Variants in MYOZ2 observed in about 807,000 individuals in gnomAD.
MYOZ2 encodes myozenin-2.
Under a neutral mutation model 25.4 loss-of-function variants are expected in MYOZ2, and 19 were observed. That is an observed-to-expected ratio of 0.75 (90% CI 0.52 to 1.10). MYOZ2 has a LOEUF of 1.10. Ranked by LOEUF, MYOZ2 falls within the 50% of genes least tolerant of loss-of-function variation. The pLI, the probability that MYOZ2 is intolerant of heterozygous loss-of-function variation, is 0.00. For synonymous variants in MYOZ2, 92 were observed against 106.9 expected, an observed-to-expected ratio of 0.86 and a Z score of 0.86; for missense variants, 270 against 317.9, an observed-to-expected ratio of 0.85 and a Z score of 1.15.
At chr4:119,168,264 G>C (rs557645403) in intron 5 of MYOZ2, among the ~76,000 whole-genome samples, 1 of 152,166 alleles carries the variant, frequency 6.6e-6, no homozygotes, top group African/African-American at 2.4e-5. Context: ...GAGCCACTGC[G>C]CCCAGCCTAA....
intron 5 of MYOZ2, among the ~76,000 whole-genome samples, chr4:119,170,066 T>C (rs981234819): frequency 1.3e-5 from 2 of 152,176 alleles, no homozygotes; most frequent in Non-Finnish European, 2.9e-5. Context: ...AGTTCAGTGG[T>C]ATTCAGTACA....
At chr4:119,153,855 T>C (rs1741511309) in intron 3 of MYOZ2, among the ~76,000 whole-genome samples, 2 of 152,066 alleles carry the variant, frequency 1.3e-5, no homozygotes, top group South Asian at 2.1e-4. Flanking sequence ...GAAATGAACA[T>C]TGCTTGCTAC....
At chr4:119,175,323 T>C (rs1326853335) in intron 5 of MYOZ2, among the ~76,000 whole-genome samples, 1 of 152,220 alleles carries the variant, frequency 6.6e-6, no homozygotes, top group Admixed American at 6.5e-5. Flanking sequence ...GGGATGTGTC[T>C]TCTTTGATGT....
At chr4:119,180,155 G>A (rs905100002) in intron 5 of MYOZ2, among the ~76,000 whole-genome samples, 3 of 152,186 alleles carry the variant, frequency 2.0e-5, no homozygotes, top group Non-Finnish European at 4.4e-5. Flanking sequence ...AGGCTAGCTA[G>A]TCTGACTCCT....
intron 2 of MYOZ2, among the ~76,000 whole-genome samples, chr4:119,142,112 T>G (rs934741196): frequency 2.6e-5 from 4 of 152,206 alleles, no homozygotes; most frequent in Non-Finnish European, 4.4e-5. Context: ...GCTTCTTGAA[T>G]GGGGCAGCAG....
intron 5 of MYOZ2, 42 bp downstream of exon 5, chr4:119,164,436 C>G (rs1741779267): frequency 1.2e-6 from 2 of 1,602,794 alleles, no homozygotes; most frequent in Non-Finnish European, 1.7e-6. Context: ...CATGCAATAC[C>G]AAAATTTTTT....
chr4:119,167,154 A>G (rs1234520214), intron 5 of MYOZ2, among the ~76,000 whole-genome samples: 21 of 152,224 alleles, frequency 1.4e-4, no homozygotes, highest in Admixed American at 1.4e-3. Flanking sequence ...CAGTTAGCCA[A>G]GGTGTGAATG....
chr4:119,154,188 A>G (rs1741518767), intron 3 of MYOZ2, among the ~76,000 whole-genome samples: 1 of 152,138 alleles, frequency 6.6e-6, no homozygotes. Context: ...CAAAGCATAG[A>G]GCAAAGAAGC....
chr4:119,151,132 A>G, intron 3 of MYOZ2, 91 bp downstream of exon 3: 1 of 1,315,502 alleles, frequency 7.6e-7, no homozygotes, highest in South Asian at 1.3e-5. Flanking sequence ...AGTATTCTAT[A>G]TATTTTCTTT....
At chr4:119,137,091 A>T (rs187748790) in intron 2 of MYOZ2, among the ~76,000 whole-genome samples, 31 of 152,220 alleles carry the variant, frequency 2.0e-4, no homozygotes, top group Admixed American at 1.2e-3. Flanking sequence ...TTGCTTATTT[A>T]TTTAACCCTT....
In MYOZ2 at chr4:119,170,168, C is replaced by G. The variant is rs1238664569; in HGVS notation, c.560+5774C>G. Among the ~76,000 whole-genome samples, 4 of 152,220 alleles carry G rather than the reference C, an allele frequency of 2.6e-5. No homozygotes were observed. The East Asian group carries it at 7.7e-4, about 29-fold the overall frequency. On this transcript the variant is annotated intron_variant, in intron 5 of 5. Transcript: ENST00000307128. ...AAACTCTGTACCCATTAAACAATAA[C>G]TCCCCATTCCCTCTCTGCCACCATC...
chr4:119,184,829 A>G (rs1033389832), intron 5 of MYOZ2, among the ~76,000 whole-genome samples: 5 of 152,226 alleles, frequency 3.3e-5, no homozygotes, highest in Non-Finnish European at 5.9e-5. Flanking sequence ...CAACAGACAT[A>G]CTGCTTGACC....
intron 2 of MYOZ2, among the ~76,000 whole-genome samples, chr4:119,148,596 A>G (rs1741364495): frequency 6.6e-6 from 1 of 151,984 alleles, no homozygotes; most frequent in Non-Finnish European, 1.5e-5. Flanking sequence ...CTAACAGCTA[A>G]GTGATTTTTC....
chr4:119,179,343 C>T (rs551668274), intron 5 of MYOZ2, among the ~76,000 whole-genome samples: 17 of 152,286 alleles, frequency 1.1e-4, no homozygotes, highest in African/African-American at 4.1e-4. Context: ...CATTCCTTCA[C>T]ATCTTTCAGA....
intron 2 of MYOZ2, among the ~76,000 whole-genome samples, chr4:119,144,775 G>T (rs1741248546): frequency 6.6e-6 from 1 of 151,980 alleles, no homozygotes; most frequent in Non-Finnish European, 1.5e-5. Context: ...TCATGTTTTG[G>T]CCCACATTCT....
chr4:119,162,296 G>T (rs1450590621), intron 4 of MYOZ2, among the ~76,000 whole-genome samples: 3 of 152,190 alleles, frequency 2.0e-5, no homozygotes, highest in Admixed American at 6.5e-5. Flanking sequence ...GGTGAGGCTG[G>T]ACGGGCTTAA....
intron 2 of MYOZ2, among the ~76,000 whole-genome samples, chr4:119,137,752 A>G (rs1254757641): frequency 6.6e-6 from 1 of 152,180 alleles, no homozygotes; most frequent in Non-Finnish European, 1.5e-5. Context: ...TCTGAGTCAG[A>G]TACCAGAACT....
Position 119,185,355 on chromosome 4 carries a change from C to T in MYOZ2, c.561-611C>T, listed in dbSNP as rs542048060. The stretch of plus-strand genomic sequence containing the variant: ...TTTTTAGACAGGTTTCACTCTGTCA[C>T]CCAGGCTAGAGTGCAGTGGCATGAT... On this transcript the variant is annotated intron_variant, in intron 5 of 5. Transcript: ENST00000307128. 9.2e-5 allele frequency among the ~76,000 whole-genome samples: 14 copies of T among 152,116 alleles called. No homozygotes were observed. The East Asian group carries it at 2.7e-3, about 29-fold the overall frequency.
chr4:119,140,888 C>G (rs779510610), intron 2 of MYOZ2, among the ~76,000 whole-genome samples: 1 of 152,030 alleles, frequency 6.6e-6, no homozygotes, highest in Non-Finnish European at 1.5e-5. Context: ...GAACTCAAAT[C>G]AAGACAGAGA....
Sources: gnomAD v4.1 joint callset for allele counts (sites outside exome capture counted in the v4.1 genomes callset) on GRCh38, gnomAD v4.1.1 for gene constraint, MANE v1.5 for transcripts, NCBI Gene and HGNC (gene_info 2026-07-23, HGNC 2026-07-21) for gene names.